The following LRRTM4 variants were observed in gnomAD, a reference collection of about 807,000 sequenced individuals.
LRRTM4 encodes leucine rich repeat transmembrane neuronal 4.
In LRRTM4, 25 loss-of-function variants were observed where a neutral mutation model predicts 47.6. The ratio of observed to expected loss-of-function variants is 0.53; its 90% CI spans 0.38 to 0.73. LRRTM4 has a LOEUF of 0.73. Ranked by LOEUF, LRRTM4 falls within the 30% of genes least tolerant of loss-of-function variation. LRRTM4 has a pLI of 0.00. For synonymous variants in LRRTM4, 311 were observed against 269.5 expected, an observed-to-expected ratio of 1.15 and a Z score of -1.51; for missense variants, 638 against 713.4, an observed-to-expected ratio of 0.89 and a Z score of 1.20.
At chr2:77,397,026 C>A (rs2103826690) in intron 3 of LRRTM4, among the ~76,000 whole-genome samples, 1 of 151,928 alleles carries the variant, frequency 6.6e-6, no homozygotes, top group Admixed American at 6.6e-5. Flanking sequence ...CTTTTTCATT[C>A]AACAGATGTT....
At chr2:77,209,191 T>C (rs1263250869) in intron 3 of LRRTM4, among the ~76,000 whole-genome samples, 1 of 152,184 alleles carries the variant, frequency 6.6e-6, no homozygotes, top group African/African-American at 2.4e-5. Context: ...ACCTTGCTTT[T>C]CATTTTGTTT....
rs527354886 is a variant in LRRTM4, at chr2:77,036,934, G to A, written c.1552-288018C>T. Among the ~76,000 whole-genome samples, 158 of 151,812 alleles carry A rather than the reference G, an allele frequency of 1.0e-3. 1 individual carries two copies. The highest frequency in any genetic ancestry group is 3.6e-3 in the African/African-American group (149 of 41,492). ...AAGGTTGTGAGGGAATTCTCTGAAA[G>A]GAAGTGATTGACCCCTACTTAATTC... On this transcript the variant is annotated intron_variant, in intron 3 of 3. Coordinates refer to ENST00000409884, the MANE Select transcript of LRRTM4 (RefSeq NM_001134745.3).
rs145598512 is a variant in LRRTM4, at chr2:76,913,346, G to A, written c.1552-164430C>T. Reference sequence around the variant, plus strand: ...AAAGTGAGTGATATATTTTTCTTATGATTGTGTTTCTCTGATTATTGCTGA... The same window carrying A: ...AAAGTGAGTGATATATTTTTCTTATAATTGTGTTTCTCTGATTATTGCTGA... On this transcript the variant is annotated intron_variant, in intron 3 of 3. Coordinates refer to ENST00000409884, the MANE Select transcript of LRRTM4 (RefSeq NM_001134745.3). 3.3e-3 allele frequency among the ~76,000 whole-genome samples: 506 copies of A among 151,066 alleles called. 4 individuals carry two copies. The highest frequency in any genetic ancestry group is 7.2e-3 in the Admixed American group (109 of 15,158).
At chr2:77,500,729 T>A (rs1678542312) in intron 3 of LRRTM4, among the ~76,000 whole-genome samples, 1 of 151,568 alleles carries the variant, frequency 6.6e-6, no homozygotes, top group African/African-American at 2.4e-5. Flanking sequence ...CAATTCCAAT[T>A]AAATGTATCA....
chr2:76,856,074 T>G (rs1274224547), intron 3 of LRRTM4, among the ~76,000 whole-genome samples: 1 of 152,070 alleles, frequency 6.6e-6, no homozygotes, highest in African/African-American at 2.4e-5. Flanking sequence ...GTCAGGAGTT[T>G]GAGACCAGCC....
intron 3 of LRRTM4, among the ~76,000 whole-genome samples, chr2:77,361,600 A>T (rs1377334426): frequency 6.6e-6 from 1 of 152,194 alleles, no homozygotes. Flanking sequence ...ATTGTCTAAA[A>T]AACATGTCCT....
At chr2:77,071,904 T>C (rs1446014458) in intron 3 of LRRTM4, among the ~76,000 whole-genome samples, 1 of 152,282 alleles carries the variant, frequency 6.6e-6, no homozygotes, top group Middle Eastern at 3.4e-3. Flanking sequence ...CCACCTCCAC[T>C]ACAGCTCAGG....
At chr2:76,878,830 C>T (rs891746043) in intron 3 of LRRTM4, among the ~76,000 whole-genome samples, 3 of 151,846 alleles carry the variant, frequency 2.0e-5, no homozygotes, top group Non-Finnish European at 2.9e-5. Flanking sequence ...GCCAAGATGG[C>T]GCCACTGCAC....
chr2:77,203,877 G>A (rs1446230735), intron 3 of LRRTM4, among the ~76,000 whole-genome samples: 1 of 152,144 alleles, frequency 6.6e-6, no homozygotes, highest in Non-Finnish European at 1.5e-5. Flanking sequence ...TAAAACTCAA[G>A]GCAGTGTTGT....
intron 3 of LRRTM4, among the ~76,000 whole-genome samples, chr2:77,360,540 ACAATCATT>A (rs1672165503): frequency 7.6e-6 from 1 of 131,692 alleles, no homozygotes; most frequent in Non-Finnish European, 1.6e-5. Flanking sequence ...ACGATACAAT[ACAATCATT>A]CATACATACA....
chr2:77,067,195 T>A (rs1488215958), intron 3 of LRRTM4, among the ~76,000 whole-genome samples: 3 of 152,170 alleles, frequency 2.0e-5, no homozygotes, highest in African/African-American at 7.2e-5. Flanking sequence ...CACTTTTTTT[T>A]CTAATTTTTA....
At chr2:76,947,031 T>C (rs980187750) in intron 3 of LRRTM4, among the ~76,000 whole-genome samples, 2 of 151,794 alleles carry the variant, frequency 1.3e-5, no homozygotes, top group East Asian at 1.9e-4. Flanking sequence ...AATAAAGATG[T>C]AGAGGGAAGG....
chr2:76,783,294 A>G (rs1674496687), intron 3 of LRRTM4, among the ~76,000 whole-genome samples: 1 of 152,220 alleles, frequency 6.6e-6, no homozygotes, highest in African/African-American at 2.4e-5. Context: ...CATGAAAACA[A>G]TGCCAATTTT....
At chr2:77,238,754 A>G (rs544525132) in intron 3 of LRRTM4, among the ~76,000 whole-genome samples, 191 of 152,244 alleles carry the variant, frequency 1.3e-3, no homozygotes, top group African/African-American at 4.4e-3. Context: ...ATTAGAGGAA[A>G]CTTCTCATAA....
chr2:77,093,519 A>C (rs759926146), intron 3 of LRRTM4, among the ~76,000 whole-genome samples: 2 of 151,576 alleles, frequency 1.3e-5, no homozygotes, highest in African/African-American at 4.9e-5. Flanking sequence ...CCCTCTCTAC[A>C]TTCCCACACC....
At chr2:77,286,884 A>G (rs753416833) in intron 3 of LRRTM4, among the ~76,000 whole-genome samples, 1 of 152,122 alleles carries the variant, frequency 6.6e-6, no homozygotes, top group Non-Finnish European at 1.5e-5. Context: ...TTTGGTTTAC[A>G]TAAAGAAAAT....
chr2:76,924,373 C>G (rs916989907), intron 3 of LRRTM4, among the ~76,000 whole-genome samples: 4 of 151,970 alleles, frequency 2.6e-5, no homozygotes, highest in Non-Finnish European at 5.9e-5. Context: ...ATATTCATCC[C>G]ATTTCTCTTT....
intron 3 of LRRTM4, among the ~76,000 whole-genome samples, chr2:77,396,951 A>C (rs1673728289): frequency 6.6e-6 from 1 of 151,894 alleles, no homozygotes; most frequent in Non-Finnish European, 1.5e-5. Flanking sequence ...TGTAATAGCA[A>C]CTCTTGACCT....
At chr2:76,752,871 A>G (rs1044162630) in intron 3 of LRRTM4, among the ~76,000 whole-genome samples, 3 of 152,148 alleles carry the variant, frequency 2.0e-5, no homozygotes, top group South Asian at 2.1e-4. Flanking sequence ...TCTGTGTTCC[A>G]TCAGCTCTCT....
Sources: gnomAD v4.1 joint callset for allele counts (sites outside exome capture counted in the v4.1 genomes callset) on GRCh38, gnomAD v4.1.1 for gene constraint, MANE v1.5 for transcripts, NCBI Gene and HGNC (gene_info 2026-07-23, HGNC 2026-07-21) for gene names.